The following PXK variants were observed in gnomAD, a reference collection of about 807,000 sequenced individuals.
The protein encoded by PXK is PX domain-containing protein kinase-like protein.
A neutral mutation model predicts 84.7 loss-of-function variants in PXK; 35 were observed. The ratio of observed to expected loss-of-function variants is 0.41; its 90% CI spans 0.32 to 0.55. The LOEUF is 0.55. PXK is among the 20% of genes least tolerant of loss of function. The probability of loss-of-function intolerance (pLI) is 0.21; values close to 1 mark genes in which losing one functional copy is unlikely to be tolerated. For synonymous variants in PXK, 253 were observed against 260.8 expected, an observed-to-expected ratio of 0.97 and a Z score of 0.29; for missense variants, 634 against 699.7, an observed-to-expected ratio of 0.91 and a Z score of 1.06.
At chr3:58,382,837 T>A in intron 4 of PXK, 137 bp downstream of exon 4, 1 of 613,488 alleles carries the variant, frequency 1.6e-6, no homozygotes, top group East Asian at 3.4e-5. Flanking sequence ...ATGAATTTAC[T>A]AAGATTTTCT....
chr3:58,365,813 C>T, intron 1 of PXK, 61 bp from the exon 2 acceptor site: 8 of 1,323,356 alleles, frequency 6.0e-6, no homozygotes, highest in Admixed American at 5.3e-5. Context: ...TTTTTGATTC[C>T]CTGCTTTGGG....
rs751040665 is a variant in PXK at position 58,397,691 on chromosome 3, C to T, written c.1071C>T (p.Asp357=). 9 of 1,613,862 alleles carry T rather than the reference C, an allele frequency of 5.6e-6. No individual in the cohort carries two copies. Among genetic ancestry groups the T allele is most frequent in the African/African-American group, 2.7e-5 (2 of 74,910 alleles). Reference sequence around the variant, plus strand: ...GACCGCCAGACTCGGTGCCTGTGGACTCCTTCCCTCCTGCCCCGTCCATGG... The same window carrying T: ...GACCGCCAGACTCGGTGCCTGTGGATTCCTTCCCTCCTGCCCCGTCCATGG... ...YGRPPDSVPV[D]SFPPAPSMAV... is the part of the protein sequence containing the mutation. Residue 357 remains aspartate (D), a synonymous_variant, in exon 11 of 18, where the codon GAC becomes GAT. Transcript: ENST00000356151. This position sits in a 1 kb window ranked among gnomAD's most constrained non-coding sequence, Gnocchi z 4.7.
At chr3:58,423,726 C>A (rs2062337397) in intron 17 of PXK, among the ~76,000 whole-genome samples, 1 of 152,190 alleles carries the variant, frequency 6.6e-6, no homozygotes, top group South Asian at 2.1e-4. Context: ...CTGACAGAGT[C>A]TCAGAGAGCT....
At chr3:58,404,017 G>A in intron 13 of PXK, 107 bp downstream of exon 13, 1 of 644,478 alleles carries the variant, frequency 1.6e-6, no homozygotes, top group Non-Finnish European at 2.4e-6. Context: ...AGGGAAAATT[G>A]GGAAATAACC....
intron 7 of PXK, among the ~76,000 whole-genome samples, chr3:58,392,135 A>G (rs1363442011): frequency 6.6e-6 from 1 of 152,238 alleles, no homozygotes; most frequent in African/African-American, 2.4e-5. Flanking sequence ...TTCTTGGTGA[A>G]GGTATTTATC....
chr3:58,386,284 C>G (rs1312378398), intron 4 of PXK, among the ~76,000 whole-genome samples: 1 of 105,686 alleles, frequency 9.5e-6, no homozygotes, highest in Non-Finnish European at 2.0e-5. Flanking sequence ...ACATATATCC[C>G]CCTTACTTTT....
At chr3:58,420,465 G>A in intron 17 of PXK, 5 of 1,498,516 alleles carry the variant, frequency 3.3e-6, no homozygotes, top group Non-Finnish European at 4.5e-6. Context: ...GTTACTATTT[G>A]ATTAAATGAC....
Position 58,425,984 on chromosome 3 carries a change from T to A in PXK, c.*1024T>A, listed in dbSNP as rs1459856705. On this transcript the variant is annotated 3_prime_UTR_variant, in exon 18 of 18. Coordinates refer to ENST00000356151, the MANE Select transcript of PXK (RefSeq NM_017771.5). Reference sequence around the variant, plus strand: ...TTGTGTATAGTTTCATGTAATCTGTTATGTCAGCTGTATTTTTTATTAAAA... The same window carrying A: ...TTGTGTATAGTTTCATGTAATCTGTAATGTCAGCTGTATTTTTTATTAAAA... 1 of 152,232 alleles carries A rather than the reference T, an allele frequency of 6.6e-6. No homozygotes were observed. Among genetic ancestry groups the A allele is most frequent in the Non-Finnish European group, 1.5e-5 (1 of 68,034 alleles). 9.4% of individuals were successfully genotyped at this position (152,232 alleles called of 1,614,324 possible). A position where few individuals can be genotyped will look rare whatever the true frequency, so the allele number is the denominator to read the frequency against.
chr3:58,350,005 C>A (rs1195665311), intron 1 of PXK, among the ~76,000 whole-genome samples: 1 of 152,126 alleles, frequency 6.6e-6, no homozygotes, highest in Non-Finnish European at 1.5e-5. Flanking sequence ...GAGGTGCAAC[C>A]GTTATTAGTA....
chr3:58,372,096 G>C (rs989779678), intron 3 of PXK, among the ~76,000 whole-genome samples: 17 of 152,152 alleles, frequency 1.1e-4, no homozygotes, highest in African/African-American at 4.1e-4. Context: ...TGAAAAAAAA[G>C]CAGAATGCAA....
intron 17 of PXK, among the ~76,000 whole-genome samples, chr3:58,417,382 G>A (rs2061144287): frequency 6.6e-6 from 1 of 152,194 alleles, no homozygotes; most frequent in Non-Finnish European, 1.5e-5. Flanking sequence ...GCAGCTAAAG[G>A]TGGTTTTAAT....
rs1435551111 is a variant in PXK, at chr3:58,409,764, T to G, written c.1395+146T>G. 2 of 566,508 alleles carry G rather than the reference T, an allele frequency of 3.5e-6. No individual in the cohort carries two copies. The highest frequency in any genetic ancestry group is 7.2e-5 in the African/African-American group (2 of 27,906). 35.1% of individuals were successfully genotyped at this position (566,508 alleles called of 1,614,324 possible). On this transcript the variant is annotated intron_variant, in intron 15 of 17. Coordinates refer to ENST00000356151, the MANE Select transcript of PXK (RefSeq NM_017771.5). The surrounding 1 kb of genome is among the most constrained non-coding windows in gnomAD (Gnocchi z 4.2). ...CTATTTCCAGATGACTGGGGTGCAG[T>G]TTTTTTGGGGAAAAAAAAAGAGTCA... is the stretch of plus-strand genomic sequence containing the variant.
rs989944623 is a variant in PXK, at chr3:58,390,017, A to C, written c.389-565A>C. ...TCCGTCTCAAAAAAAAAAAAAAAAA[A>C]AAAAAAACAATTTAGCCAGGCGTGA... is the stretch of plus-strand genomic sequence containing the variant. On this transcript the variant is annotated intron_variant, in intron 4 of 17. Coordinates refer to ENST00000356151, the MANE Select transcript of PXK (RefSeq NM_017771.5). The surrounding 1 kb of genome is among the most constrained non-coding windows in gnomAD (Gnocchi z 4.2). Among the ~76,000 whole-genome samples, 9 of 151,250 alleles carry C rather than the reference A, an allele frequency of 6.0e-5. No homozygotes were observed. In the South Asian group the frequency reaches 1.0e-3, roughly 18 times the overall value.
At chr3:58,373,914 C>A (rs570362662) in intron 3 of PXK, among the ~76,000 whole-genome samples, 1 of 151,496 alleles carries the variant, frequency 6.6e-6, no homozygotes, top group African/African-American at 2.4e-5. Context: ...GCGTGGTGGC[C>A]GGCGCCTGTA....
chr3:58,378,125 A>T (rs2098459218), intron 3 of PXK, among the ~76,000 whole-genome samples: 1 of 152,116 alleles, frequency 6.6e-6, no homozygotes, highest in Non-Finnish European at 1.5e-5. Flanking sequence ...ACATTTGAAA[A>T]CATGTACGTA....
chr3:58,378,020 T>C (rs1157525851), intron 3 of PXK, among the ~76,000 whole-genome samples: 2 of 152,240 alleles, frequency 1.3e-5, no homozygotes, highest in Non-Finnish European at 2.9e-5. Context: ...AAATCTCCCA[T>C]GTCCGTACAA....
At chr3:58,387,527 C>T (rs1316314098) in intron 4 of PXK, among the ~76,000 whole-genome samples, 3 of 151,824 alleles carry the variant, frequency 2.0e-5, no homozygotes, top group African/African-American at 4.8e-5. Context: ...GGGAAGGAGG[C>T]GGGGGCATGG....
Position 58,425,883 on chromosome 3 carries a change from C to G in PXK, c.*923C>G, listed in dbSNP as rs1439500298. On this transcript the variant is annotated 3_prime_UTR_variant, in exon 18 of 18. Coordinates refer to ENST00000356151, the MANE Select transcript of PXK (RefSeq NM_017771.5). ...TGCTTAAACCTTTCAATAAATTGCACTTTAAAGGATTATAAATAATCCATT... is the reference window on the plus strand; with the variant it reads ...TGCTTAAACCTTTCAATAAATTGCAGTTTAAAGGATTATAAATAATCCATT... 1 of 152,166 alleles carries G rather than the reference C, an allele frequency of 6.6e-6. No individual in the cohort carries two copies. The highest frequency in any genetic ancestry group is 1.5e-5 in the Non-Finnish European group (1 of 68,028). The allele number at this position is 152,166 out of a possible 1,614,324, so 9.4% of individuals were successfully genotyped here.
chr3:58,353,083 G>A (rs1368485802), intron 1 of PXK, among the ~76,000 whole-genome samples: 5 of 151,438 alleles, frequency 3.3e-5, no homozygotes, highest in African/African-American at 9.7e-5. Flanking sequence ...TGCAAGCTCC[G>A]CCTCCCGGAT....
Sources: gnomAD v4.1 joint callset for allele counts (sites outside exome capture counted in the v4.1 genomes callset) on GRCh38, gnomAD v4.1.1 for gene constraint, Gnocchi (gnomAD v3.1) non-coding constraint, MANE v1.5 for transcripts, NCBI Gene and HGNC (gene_info 2026-07-23, HGNC 2026-07-21) for gene names.